Variants in SORCS1 observed in about 807,000 individuals in gnomAD.
SORCS1 encodes the protein VPS10 domain-containing receptor SorCS1.
SORCS1 carries 60 observed loss-of-function variants against 146.1 expected under a neutral mutation model. The ratio of observed to expected loss-of-function variants is 0.41; its 90% CI spans 0.33 to 0.51. The LOEUF (loss-of-function observed/expected upper bound fraction) is 0.51. Among genes scored for constraint, SORCS1 ranks in the 20% least tolerant of loss-of-function variants. The pLI is 0.21. For missense variants in SORCS1, 1,352 were observed against 1,487.6 expected (o/e 0.91, Z 1.50); for synonymous variants, 637 against 584.0 (o/e 1.09, Z -1.31).
intron 1 of SORCS1, among the ~76,000 whole-genome samples, chr10:107,034,330 C>T (rs974082418): frequency 6.6e-6 from 1 of 151,940 alleles, no homozygotes; most frequent in Admixed American, 6.6e-5. Flanking sequence ...GGGAAGTGTG[C>T]GTGAGAGGCA....
At chr10:107,125,016 G>C (rs1216543422) in intron 1 of SORCS1, among the ~76,000 whole-genome samples, 1 of 145,100 alleles carries the variant, frequency 6.9e-6, no homozygotes. Context: ...GCAGTGGCGC[G>C]ATCTCGGCTC....
chr10:106,840,435 T>G (rs558167577), intron 2 of SORCS1, among the ~76,000 whole-genome samples: 2 of 152,340 alleles, frequency 1.3e-5, no homozygotes, highest in African/African-American at 4.8e-5. Flanking sequence ...TGATCACACT[T>G]GAACCAATGA....
intron 2 of SORCS1, among the ~76,000 whole-genome samples, chr10:106,911,840 T>G (rs112869791): frequency 6.6e-6 from 1 of 151,884 alleles, no homozygotes; most frequent in African/African-American, 2.4e-5. Flanking sequence ...GGACTGGGTG[T>G]GGTGGCTCAC....
At chr10:106,681,899 G>A (rs1474439047) in intron 10 of SORCS1, among the ~76,000 whole-genome samples, 5 of 152,114 alleles carry the variant, frequency 3.3e-5, no homozygotes, top group Admixed American at 2.6e-4. Context: ...AGGCCAAGGT[G>A]GGTGGATCAC....
chr10:106,581,053 T>C (rs1844874360), intron 24 of SORCS1, among the ~76,000 whole-genome samples: 2 of 152,166 alleles, frequency 1.3e-5, no homozygotes, highest in Admixed American at 6.6e-5. Context: ...GGTTCAAAAT[T>C]AGAAAACAAA....
chr10:107,155,482 C>T (rs771505089), intron 1 of SORCS1, among the ~76,000 whole-genome samples: 4 of 152,078 alleles, frequency 2.6e-5, no homozygotes, highest in Non-Finnish European at 5.9e-5. Context: ...TGAGTGAGCC[C>T]ATGCCTGCCC....
At chr10:106,705,515 A>T (rs1854454294) in intron 8 of SORCS1, among the ~76,000 whole-genome samples, 1 of 152,180 alleles carries the variant, frequency 6.6e-6, no homozygotes, top group Non-Finnish European at 1.5e-5. Context: ...TGAAAATATA[A>T]GAGAAAGAGG....
rs1565126216 is a variant in SORCS1 at position 107,164,211 on chromosome 10, C to A, written c.316G>T (p.Gly106Cys). ...GASMAVAARS[G>C]RRRRSGADQE... Reference sequence around the variant, plus strand: ...TCCGCTCCGCTCCGTCTCCTCCGGCCGGAGCGTGCAGCAACCGCCATGGAT... The same window carrying A: ...TCCGCTCCGCTCCGTCTCCTCCGGCAGGAGCGTGCAGCAACCGCCATGGAT... The change falls in exon 1 of 26, where the codon GGC becomes TGC. Residue 106 changes from glycine to cysteine, a missense_variant. Physicochemically the swap from Gly to Cys is radical, Grantham distance 159. Coordinates refer to ENST00000263054, the MANE Select transcript of SORCS1 (RefSeq NM_052918.5). This position sits in a 1 kb window ranked among gnomAD's most constrained non-coding sequence, Gnocchi z 6.8. The A allele has an allele frequency of 6.2e-7, 1 of 1,609,294 alleles. No individual in the cohort carries two copies. Among genetic ancestry groups the A allele is most frequent in the Non-Finnish European group, 8.5e-7 (1 of 1,179,812 alleles).
intron 21 of SORCS1, among the ~76,000 whole-genome samples, chr10:106,613,473 T>A (rs1227041755): frequency 6.6e-6 from 1 of 152,132 alleles, no homozygotes; most frequent in Non-Finnish European, 1.5e-5. Flanking sequence ...CCAGGAATGG[T>A]TCAGCCTTAG....
At chr10:107,016,224 G>A (rs554970913) in intron 1 of SORCS1, among the ~76,000 whole-genome samples, 2 of 152,284 alleles carry the variant, frequency 1.3e-5, no homozygotes, top group South Asian at 2.1e-4. Flanking sequence ...TATGACAAAG[G>A]TTGCACTGTA....
intron 17 of SORCS1, among the ~76,000 whole-genome samples, chr10:106,658,981 C>T (rs1850514182): frequency 6.6e-6 from 1 of 152,178 alleles, no homozygotes; most frequent in African/African-American, 2.4e-5. Context: ...TGTGACTCTT[C>T]ATCAATAGAC....
At chr10:107,154,969 G>A (rs1277450669) in intron 1 of SORCS1, among the ~76,000 whole-genome samples, 2 of 152,110 alleles carry the variant, frequency 1.3e-5, no homozygotes, top group Non-Finnish European at 2.9e-5. Flanking sequence ...AATTGCACAA[G>A]TTCACATATC....
chr10:106,924,346 A>T (rs775303206), intron 2 of SORCS1, among the ~76,000 whole-genome samples: 2 of 152,184 alleles, frequency 1.3e-5, no homozygotes, highest in Non-Finnish European at 2.9e-5. Flanking sequence ...CTGCTCAGTG[A>T]TTGAAAGGAA....
chr10:106,737,974 G>A (rs997330312), intron 5 of SORCS1, among the ~76,000 whole-genome samples: 5 of 152,094 alleles, frequency 3.3e-5, no homozygotes, highest in African/African-American at 1.2e-4. Flanking sequence ...AATATATCTT[G>A]GAGATGGTTC....
chr10:106,945,324 T>C (rs1954279522), intron 2 of SORCS1, among the ~76,000 whole-genome samples: 1 of 152,216 alleles, frequency 6.6e-6, no homozygotes. Flanking sequence ...GGTATGAAAT[T>C]GTGTTCTGAG....
At chr10:107,098,794 T>A (rs528237248) in intron 1 of SORCS1, among the ~76,000 whole-genome samples, 1 of 152,346 alleles carries the variant, frequency 6.6e-6, no homozygotes, top group Non-Finnish European at 1.5e-5. Context: ...CATGTGGCTC[T>A]CATGTATTAC....
chr10:106,796,775 C>G (rs564965856), intron 3 of SORCS1, among the ~76,000 whole-genome samples: 2 of 152,300 alleles, frequency 1.3e-5, no homozygotes, highest in East Asian at 3.9e-4. Context: ...CATAGTTTAA[C>G]TAGAGTTTCC....
chr10:106,603,090 C>G (rs936797489), intron 23 of SORCS1, among the ~76,000 whole-genome samples: 1 of 152,082 alleles, frequency 6.6e-6, no homozygotes, highest in Non-Finnish European at 1.5e-5. Context: ...TGAAAGACAA[C>G]ACACCTAGGC....
chr10:106,989,010 C>A (rs752760974), intron 1 of SORCS1, among the ~76,000 whole-genome samples: 6 of 151,244 alleles, frequency 4.0e-5, no homozygotes, highest in Non-Finnish European at 8.8e-5. Context: ...CCCGTAATCC[C>A]AGCACTTTGA....
Sources: gnomAD v4.1 joint callset for allele counts (sites outside exome capture counted in the v4.1 genomes callset) on GRCh38, gnomAD v4.1.1 for gene constraint, Gnocchi (gnomAD v3.1) non-coding constraint, MANE v1.5 for transcripts, NCBI Gene and HGNC (gene_info 2026-07-23, HGNC 2026-07-21) for gene names.